Variants in CHIC1 observed in about 807,000 individuals in gnomAD.
The protein encoded by CHIC1 is cysteine rich hydrophobic domain 1.
In CHIC1, 7 loss-of-function variants were observed where a neutral mutation model predicts 18.5. The observed-to-expected ratio is 0.38, with a 90% CI of 0.22 to 0.71. The LOEUF (loss-of-function observed/expected upper bound fraction) is 0.71, where lower values mean the gene tolerates loss of function less well. Among genes scored for constraint, CHIC1 ranks in the 30% least tolerant of loss-of-function variants. The pLI is 0.49. For synonymous variants in CHIC1, 77 were observed against 73.5 expected (o/e 1.05, Z -0.25); for missense variants, 159 against 176.9 (o/e 0.90, Z 0.57).
intron 3 of CHIC1, among the ~76,000 whole-genome samples, chrX:73,656,658 G>C (rs1232277053): frequency 8.9e-6 from 1 of 111,793 alleles, no homozygotes; most frequent in Admixed American, 9.5e-5. Context: ...CCAATGGTCT[G>C]TGTGTCTGTT....
intron 3 of CHIC1, among the ~76,000 whole-genome samples, chrX:73,608,000 C>T (rs1003614983): frequency 7.3e-5 from 8 of 109,062 alleles, no homozygotes; most frequent in African/African-American, 1.4e-4. Flanking sequence ...AGTGTCATGA[C>T]GATTTCTTCT....
intron 4 of CHIC1, 45 bp downstream of exon 4, chrX:73,679,427 G>T (rs773507794): frequency 3.4e-6 from 3 of 881,018 alleles, no homozygotes; most frequent in Admixed American, 5.7e-5. Flanking sequence ...TATATTTGCA[G>T]CATTAAATTG....
chrX:73,687,071 CA>C lies in CHIC1; in HGVS notation c.*6069del, dbSNP rs1163187358. The C allele has an allele frequency of 9.0e-6, 1 of 111,584 alleles. No homozygotes were observed. Among genetic ancestry groups the C allele is most frequent in the Non-Finnish European group, 1.9e-5 (1 of 52,969 alleles). 9.2% of individuals were successfully genotyped at this position (111,584 alleles called of 1,213,427 possible). ...GATAAAATTTTATTATCTCAGGATG[CA>C]AATTTAAAATAAAGTGTAAATCTAT... is the stretch of plus-strand genomic sequence containing the variant. On this transcript the variant is annotated 3_prime_UTR_variant, in exon 6 of 6. Transcript: ENST00000373502.
chrX:73,658,960 G>T (rs2057965410), intron 3 of CHIC1, among the ~76,000 whole-genome samples: 1 of 111,768 alleles, frequency 8.9e-6, no homozygotes, highest in African/African-American at 3.3e-5. Context: ...TGTGGCTAGG[G>T]GACCAGGCCA....
At chrX:73,565,160 T>A (rs1395013349) in intron 1 of CHIC1, among the ~76,000 whole-genome samples, 1 of 111,055 alleles carries the variant, frequency 9.0e-6, no homozygotes, top group East Asian at 2.8e-4. Flanking sequence ...ATTCCTTTTG[T>A]CACTAGGGAG....
chrX:73,581,823 A>G (rs1231805773), intron 2 of CHIC1, among the ~76,000 whole-genome samples: 1 of 111,362 alleles, frequency 9.0e-6, no homozygotes, highest in African/African-American at 3.2e-5. Context: ...GGAAAGAAGG[A>G]AAATGACCAC....
chrX:73,634,314 T>C (rs770780396), intron 3 of CHIC1, among the ~76,000 whole-genome samples: 1 of 112,922 alleles, frequency 8.9e-6, no homozygotes. Flanking sequence ...GCCTTTACTC[T>C]ATCCTGTCAA....
At chrX:73,671,197 T>A (rs1323803323) in intron 3 of CHIC1, among the ~76,000 whole-genome samples, 1 of 111,973 alleles carries the variant, frequency 8.9e-6, no homozygotes, top group Non-Finnish European at 1.9e-5. Context: ...TATATGTGAC[T>A]TGCTGCATTT....
At chrX:73,621,277 A>G (rs1185150728) in intron 3 of CHIC1, among the ~76,000 whole-genome samples, 1 of 111,866 alleles carries the variant, frequency 8.9e-6, no homozygotes, top group Non-Finnish European at 1.9e-5. Context: ...TCAATCTGTG[A>G]ATTACTTTGG....
At chrX:73,620,547 G>A (rs2057755036) in intron 3 of CHIC1, among the ~76,000 whole-genome samples, 1 of 111,494 alleles carries the variant, frequency 9.0e-6, no homozygotes, top group African/African-American at 3.3e-5. Context: ...TTTTTGGTGG[G>A]GTTGTTTTTA....
intron 3 of CHIC1, among the ~76,000 whole-genome samples, chrX:73,623,904 G>A (rs1332149161): frequency 1.8e-5 from 2 of 110,914 alleles, no homozygotes; most frequent in African/African-American, 3.3e-5. Context: ...CACACAACAC[G>A]TATAAATACA....
At chrX:73,594,640 A>C (rs1165353539) in intron 3 of CHIC1, among the ~76,000 whole-genome samples, 3 of 112,259 alleles carry the variant, frequency 2.7e-5, no homozygotes, top group Non-Finnish European at 5.6e-5. Context: ...TTTCAAGTAC[A>C]CGACTTGGAG....
At chrX:73,672,111 T>G (rs1464179009) in intron 3 of CHIC1, among the ~76,000 whole-genome samples, 2 of 112,190 alleles carry the variant, frequency 1.8e-5, no homozygotes, top group East Asian at 5.6e-4. Context: ...TCATTTTTTA[T>G]GGCTGCATAG....
intron 3 of CHIC1, among the ~76,000 whole-genome samples, chrX:73,672,135 A>G (rs762990779): frequency 3.7e-4 from 41 of 111,908 alleles, no homozygotes; most frequent in Non-Finnish European, 7.0e-4. Flanking sequence ...TCCATGGTGT[A>G]TATGTGCCAC....
At chrX:73,565,341 A>G (rs1006243809) in intron 1 of CHIC1, among the ~76,000 whole-genome samples, 4 of 112,185 alleles carry the variant, frequency 3.6e-5, no homozygotes, top group African/African-American at 1.3e-4. Context: ...AGTTACCTGA[A>G]ATTTATTTAT....
intron 3 of CHIC1, among the ~76,000 whole-genome samples, chrX:73,668,122 T>C (rs1426992687): frequency 8.9e-6 from 1 of 112,248 alleles, no homozygotes; most frequent in Non-Finnish European, 1.9e-5. Flanking sequence ...GTCTTCCAGC[T>C]GTGACATTCT....
At chrX:73,624,496 A>T (rs1406954403) in intron 3 of CHIC1, among the ~76,000 whole-genome samples, 1 of 112,399 alleles carries the variant, frequency 8.9e-6, no homozygotes, top group Non-Finnish European at 1.9e-5. Context: ...GAAACTAATA[A>T]GCCTTAGCTA....
At chrX:73,614,155 G>A (rs778057293) in intron 3 of CHIC1, among the ~76,000 whole-genome samples, 6 of 111,218 alleles carry the variant, frequency 5.4e-5, no homozygotes, top group African/African-American at 6.5e-5. Flanking sequence ...TCCTTGGCTG[G>A]CATTATTTTT....
chrX:73,563,172 T>TC, upstream of CHIC1: 1 of 598,429 alleles, frequency 1.7e-6, no homozygotes, highest in Non-Finnish European at 2.0e-6. Context: ...TCTCCTCAAA[T>TC]CCTGTCCCTA....
Sources: allele counts gnomAD v4.1 joint callset (sites outside exome capture counted in the v4.1 genomes callset), GRCh38; gene constraint gnomAD v4.1.1; transcripts MANE v1.5; gene names NCBI Gene and HGNC (gene_info 2026-07-23, HGNC 2026-07-21).